Variants in THBS2 observed in about 807,000 individuals in gnomAD.
THBS2 encodes thrombospondin 2.
THBS2 carries 47 observed loss-of-function variants against 135.2 expected under a neutral mutation model. The ratio of observed to expected loss-of-function variants is 0.35; its 90% CI spans 0.28 to 0.44. THBS2 has a LOEUF of 0.44. THBS2 is among the 20% of genes least tolerant of loss of function. THBS2 has a pLI of 1.00. For synonymous variants in THBS2, 639 were observed against 633.8 expected (o/e 1.01, Z -0.12); for missense variants, 1,288 against 1,603.1 (o/e 0.80, Z 3.36).
chr6:169,237,095 G>A (rs763411537), intron 9 of THBS2, 75 bp downstream of exon 9: 13 of 1,504,782 alleles, frequency 8.6e-6, no homozygotes, highest in South Asian at 2.5e-5. Flanking sequence ...CCCGGATCCC[G>A]GCTCCAGCTG....
At position 169,236,918 on chromosome 6, in the gene THBS2, C is replaced by G. The variant is rs146076487; in HGVS notation, c.1477+252G>C. Among the ~76,000 whole-genome samples, 601 of 152,376 alleles carry G rather than the reference C, an allele frequency of 3.9e-3. 10 individuals are homozygous for G. The highest frequency in any genetic ancestry group is 3.4e-3 in the Middle Eastern group (1 of 294). ...GGATCATTCTTCCTTTAATTACAGT[C>G]TGTCCTGAACTGGAATGAAACGGGG... On this transcript the variant is annotated intron_variant, in intron 9 of 21. Coordinates refer to ENST00000617924, the MANE Select transcript of THBS2 (RefSeq NM_003247.5).
chr6:169,217,816 T>G lies in THBS2; in HGVS notation c.*6A>C. 1 of 1,603,942 alleles carries G rather than the reference T, an allele frequency of 6.2e-7. No individual in the cohort carries two copies. The highest frequency in any genetic ancestry group is 8.5e-7 in the Non-Finnish European group (1 of 1,178,144). On this transcript the variant is annotated 3_prime_UTR_variant, in exon 22 of 22. Coordinates refer to ENST00000617924, the MANE Select transcript of THBS2 (RefSeq NM_003247.5). ...AGGGCATTGCCGGAAATGCAGCAAA[T>G]CTTGTTTAAATATCTACAAAAAGAA...
At position 169,216,308 on chromosome 6, in the gene THBS2, G is replaced by T. The variant is rs554109284; in HGVS notation, c.*1514C>A. ...ATTAACAGAAAGGGGAAAAAGATTT[G>T]CCCCCTATCCATCATCAGACAGACA... On this transcript the variant is annotated 3_prime_UTR_variant, in exon 22 of 22. Transcript: ENST00000617924. The T allele has an allele frequency of 5.9e-5, 9 of 152,230 alleles. No homozygotes were observed. In the East Asian group the frequency reaches 1.7e-3, roughly 29 times the overall value. 9.4% of individuals were successfully genotyped at this position (152,230 alleles called of 1,614,324 possible).
chr6:169,239,343 G>A (rs944707673), intron 7 of THBS2: 18 of 527,660 alleles, frequency 3.4e-5, no homozygotes, highest in Non-Finnish European at 4.7e-5. Context: ...TGACCACTGG[G>A]CTCAGCTTCC....
Position 169,228,172 on chromosome 6 carries a change from G to T in THBS2, c.2369C>A (p.Thr790Lys). The change falls in exon 15 of 22, where the codon ACA becomes AAA. Residue 790 changes from threonine (T) to lysine (K), a missense_variant. Transcript: ENST00000617924. ...PYVHNPAQID[T>K]DNNGEGDACS... ...GGCGTCACCCTCTCCATTGTTGTCT[G>T]TGTCGATCTGGGCAGGGTTGTGCAC... 1 of 1,614,092 alleles carries T rather than the reference G, an allele frequency of 6.2e-7. No individual in the cohort carries two copies. The highest frequency in any genetic ancestry group is 2.2e-5 in the East Asian group (1 of 44,878).
intron 13 of THBS2, 49 bp from the exon 14 acceptor site, chr6:169,229,728 C>T (rs1023150329): frequency 1.3e-6 from 2 of 1,487,854 alleles, no homozygotes; most frequent in Non-Finnish European, 1.9e-6. Context: ...AGGAAAGCGC[C>T]TCTTTCAGGA....
chr6:169,224,051 ATG>A (rs1779531371), intron 17 of THBS2, among the ~76,000 whole-genome samples: 1 of 147,118 alleles, frequency 6.8e-6, no homozygotes, highest in African/African-American at 2.7e-5. Flanking sequence ...AATTTGCCAC[ATG>A]TGTCCAGTCT....
intron 21 of THBS2, among the ~76,000 whole-genome samples, chr6:169,219,351 GATGGTTGGGTGA>G (rs1779334018): frequency 6.6e-6 from 1 of 150,752 alleles, no homozygotes; most frequent in Non-Finnish European, 1.5e-5. Context: ...TGGATGGATG[GATGGTTGGGTGA>G]ATGGATGAGA....
chr6:169,234,818 T>C lies in THBS2; in HGVS notation c.1567A>G (p.Ser523Gly). 6.2e-7 allele frequency: 1 copy of C among 1,612,760 alleles called. No individual in the cohort carries two copies. The highest frequency in any genetic ancestry group is 1.1e-5 in the South Asian group (1 of 90,840). Reference protein sequence around the residue: ...GIRERTRVCNSPEPQYGGKAC... With the variant: ...GIRERTRVCNGPEPQYGGKAC... ...TTCCCTCCGTACTGAGGCTCAGGGC[T>C]GTTGCAGACCCGGGTGCGCTCCCGG... The change falls in exon 10 of 22, where the codon AGC becomes GGC. Residue 523 changes from serine to glycine, a missense_variant. Ser to Gly is a moderately conservative substitution (Grantham distance 56). This residue lies in a region of THBS2 where 874 missense variants were observed against 1,156.1 expected (regional missense o/e 0.76). Transcript: ENST00000617924.
At position 169,247,872 on chromosome 6, in the gene THBS2, ATG is replaced by A. The variant is rs895748371; in HGVS notation, c.609+543_609+544del. On this transcript the variant is annotated intron_variant, in intron 3 of 21. Transcript: ENST00000617924. ...ACGTAGGGTGTGTGCACGTGTGTGC[ATG>A]TGTGTGTTCACATGTATGTCTGTGT... 3.3e-3 allele frequency among the ~76,000 whole-genome samples: 499 copies of A among 151,370 alleles called. 1 individual carries two copies. Among genetic ancestry groups the A allele is most frequent in the African/African-American group, 0.011 (471 of 41,200 alleles).
intron 4 of THBS2, among the ~76,000 whole-genome samples, chr6:169,244,669 T>G (rs1292418181): frequency 2.0e-5 from 3 of 151,992 alleles, no homozygotes; most frequent in African/African-American, 7.2e-5. Flanking sequence ...CAACAAAAAG[T>G]ACCCAAAAGC....
Position 169,248,973 on chromosome 6 carries a change from G to A in THBS2, c.53C>T (p.Ala18Val), listed in dbSNP as rs758454364. Residue 18 changes from alanine to valine, a missense_variant and splice_region_variant, in exon 3 of 22, where the codon GCT becomes GTT. By Grantham distance (64) the Ala-to-Val change is moderately conservative. Around this residue, in one of 2 missense-constraint regions of THBS2, gnomAD observed 414 missense variants for 447.0 expected, o/e 0.93. Transcript: ENST00000617924. ...GGTCGTGTCTTTGTCCTGGTGACCA[G>A]CTGCAAAGGGAACCGCAGTGGAGAA... ...LALWVWPSTQ[A>V]GHQDKDTTFD... 1.3e-6 allele frequency: 2 copies of A among 1,596,128 alleles called. No homozygotes were observed. Among genetic ancestry groups the A allele is most frequent in the Non-Finnish European group, 1.7e-6 (2 of 1,168,476 alleles).
chr6:169,224,244 G>GT (rs1291233108), intron 17 of THBS2, among the ~76,000 whole-genome samples: 1 of 152,230 alleles, frequency 6.6e-6, no homozygotes, highest in African/African-American at 2.4e-5. Flanking sequence ...CACATAGTTG[G>GT]TATCAGGGCA....
chr6:169,233,966 T>C (rs546304300), intron 10 of THBS2, among the ~76,000 whole-genome samples: 1 of 146,604 alleles, frequency 6.8e-6, no homozygotes, highest in East Asian at 2.0e-4. Context: ...CTACAACACA[T>C]AACTACATGC....
chr6:169,244,442 C>T (rs1486494772), intron 4 of THBS2, among the ~76,000 whole-genome samples: 1 of 151,864 alleles, frequency 6.6e-6, no homozygotes, highest in Non-Finnish European at 1.5e-5. Context: ...CATGGACAAC[C>T]TTAGCTCTAG....
chr6:169,245,805 A>AG (rs1459639083), intron 4 of THBS2, among the ~76,000 whole-genome samples: 1 of 151,786 alleles, frequency 6.6e-6, no homozygotes, highest in African/African-American at 2.4e-5. Flanking sequence ...AAAAAAAAAA[A>AG]AAAAGAAAAC....
chr6:169,246,383 T>G, intron 3 of THBS2, 102 bp from the exon 4 acceptor site: 1 of 944,082 alleles, frequency 1.1e-6, no homozygotes, highest in Non-Finnish European at 1.7e-6. Flanking sequence ...AATCTTCAAG[T>G]AGTGAGAGTA....
intron 3 of THBS2, among the ~76,000 whole-genome samples, chr6:169,247,528 G>GT (rs1293437660): frequency 1.1e-5 from 1 of 91,718 alleles, no homozygotes; most frequent in Non-Finnish European, 2.4e-5. Context: ...GTTTATGTGT[G>GT]GGGGATGTGT....
chr6:169,234,706 A>G, intron 10 of THBS2, 28 bp downstream of exon 10: 2 of 1,478,112 alleles, frequency 1.4e-6, no homozygotes, highest in Non-Finnish European at 1.8e-6. Context: ...CCCGGGTTTC[A>G]GTGCCCCCGC....
Sources: allele counts gnomAD v4.1 joint callset (sites outside exome capture counted in the v4.1 genomes callset), GRCh38; gene constraint gnomAD v4.1.1; regional missense constraint gnomAD v4.1.1; transcripts MANE v1.5; gene names NCBI Gene and HGNC (gene_info 2026-07-23, HGNC 2026-07-21).